The following PDE4D variants were observed in gnomAD, a reference collection of about 807,000 sequenced individuals.
PDE4D encodes the protein 3',5'-cyclic-AMP phosphodiesterase 4D.
Under a neutral mutation model 87.4 loss-of-function variants are expected in PDE4D, and 24 were observed. The ratio of observed to expected loss-of-function variants is 0.27; its 90% CI spans 0.20 to 0.39. PDE4D has a LOEUF of 0.39. Ranked by LOEUF, PDE4D falls within the 10% of genes least tolerant of loss-of-function variation. PDE4D has a pLI of 1.00. For synonymous variants in PDE4D, 384 were observed against 383.2 expected, an observed-to-expected ratio of 1.00 and a Z score of -0.02; for missense variants, 714 against 1,041.0, an observed-to-expected ratio of 0.69 and a Z score of 4.32.
intron 2 of PDE4D, among the ~76,000 whole-genome samples, chr5:60,045,164 T>C (rs1769053343): frequency 1.3e-5 from 2 of 152,020 alleles, no homozygotes; most frequent in South Asian, 2.1e-4. Context: ...AAATGTCATC[T>C]TTTGAGAAGT....
At chr5:60,515,601 CTTT>C (rs954970783) in intron 1 of PDE4D, among the ~76,000 whole-genome samples, 1 of 106,822 alleles carries the variant, frequency 9.4e-6, no homozygotes. Context: ...TTTTCTTTTT[CTTT>C]TTTTTTTTTT....
At chr5:60,268,111 TTCTA>T (rs1417027526) in intron 1 of PDE4D, among the ~76,000 whole-genome samples, 1 of 152,032 alleles carries the variant, frequency 6.6e-6, no homozygotes, top group Non-Finnish European at 1.5e-5. Flanking sequence ...CAATGAAAAA[TTCTA>T]GAGCAGACAG....
At chr5:60,337,374 T>TACACACACACACACAC (rs1308199009) in intron 1 of PDE4D, among the ~76,000 whole-genome samples, 1 of 118,148 alleles carries the variant, frequency 8.5e-6, no homozygotes, top group African/African-American at 3.4e-5. Context: ...TATATATATA[T>TACACACACACACACAC]ATATATATAT....
At chr5:59,208,250 T>C (rs1166399586) in intron 2 of PDE4D, among the ~76,000 whole-genome samples, 1 of 152,314 alleles carries the variant, frequency 6.6e-6, no homozygotes, top group East Asian at 1.9e-4. Context: ...AATGGTATGC[T>C]AAATATTAGC....
chr5:59,338,515 A>G (rs1582040994), intron 1 of PDE4D, among the ~76,000 whole-genome samples: 2 of 152,332 alleles, frequency 1.3e-5, no homozygotes, highest in South Asian at 4.2e-4. Context: ...CAGGTTGTCT[A>G]AAGAGTGTTC....
intron 1 of PDE4D, among the ~76,000 whole-genome samples, chr5:60,482,216 G>A (rs1013831562): frequency 1.3e-5 from 2 of 152,080 alleles, no homozygotes; most frequent in African/African-American, 4.8e-5. Flanking sequence ...GCCATGTGAA[G>A]ATAATAGGAG....
intron 1 of PDE4D, among the ~76,000 whole-genome samples, chr5:59,498,471 C>G (rs932798464): frequency 1.3e-5 from 2 of 151,624 alleles, no homozygotes; most frequent in African/African-American, 4.8e-5. Context: ...TTTTAACACT[C>G]CATTTAAAAG....
intron 1 of PDE4D, among the ~76,000 whole-genome samples, chr5:60,279,943 G>A (rs1271204225): frequency 3.3e-5 from 5 of 152,156 alleles, no homozygotes; most frequent in Non-Finnish European, 7.4e-5. Flanking sequence ...GCCTCCCAAA[G>A]TGCTGGGATT....
At chr5:59,459,035 T>G (rs1800343259) in intron 1 of PDE4D, among the ~76,000 whole-genome samples, 1 of 152,210 alleles carries the variant, frequency 6.6e-6, no homozygotes, top group African/African-American at 2.4e-5. Flanking sequence ...ATAATGAATA[T>G]TCGATGATTA....
intron 1 of PDE4D, among the ~76,000 whole-genome samples, chr5:59,870,621 T>C (rs1413126236): frequency 7.9e-5 from 12 of 152,206 alleles, no homozygotes; most frequent in African/African-American, 1.9e-4. Flanking sequence ...CTTATTGATA[T>C]AGTTTTCATT....
intron 1 of PDE4D, among the ~76,000 whole-genome samples, chr5:60,417,422 C>G (rs1015959633): frequency 6.6e-6 from 1 of 152,200 alleles, no homozygotes; most frequent in African/African-American, 2.4e-5. Context: ...TCACACAGTT[C>G]TAAGCCTAGA....
At chr5:59,973,150 T>C (rs568902665) in intron 3 of PDE4D, among the ~76,000 whole-genome samples, 2 of 152,234 alleles carry the variant, frequency 1.3e-5, no homozygotes, top group African/African-American at 2.4e-5. Context: ...GTCTGTCATA[T>C]ACTAAGACAC....
At chr5:60,438,000 T>C (rs1010982985) in intron 1 of PDE4D, among the ~76,000 whole-genome samples, 4 of 152,138 alleles carry the variant, frequency 2.6e-5, no homozygotes, top group Non-Finnish European at 5.9e-5. Flanking sequence ...AGCAGGCAAA[T>C]GCAGGACAGT....
intron 1 of PDE4D, among the ~76,000 whole-genome samples, chr5:59,427,108 C>T (rs1273843232): frequency 2.7e-5 from 4 of 148,348 alleles, no homozygotes; most frequent in African/African-American, 1.0e-4. Context: ...TCAGGTTCTC[C>T]TTTGCTGACC....
chr5:59,975,187 T>C (rs1463701538), intron 3 of PDE4D, among the ~76,000 whole-genome samples: 2 of 152,170 alleles, frequency 1.3e-5, no homozygotes, highest in African/African-American at 4.8e-5. Context: ...CTGCCCACCT[T>C]TTTGTCATCT....
At chr5:59,673,919 C>T (rs1747640386) in intron 1 of PDE4D, among the ~76,000 whole-genome samples, 1 of 152,104 alleles carries the variant, frequency 6.6e-6, no homozygotes, top group Admixed American at 6.5e-5. Context: ...TAAATATCTT[C>T]ACATGGAACA....
chr5:58,996,893 GT>G (rs1204851890), intron 6 of PDE4D, among the ~76,000 whole-genome samples: 1 of 152,124 alleles, frequency 6.6e-6, no homozygotes, highest in African/African-American at 2.4e-5. Flanking sequence ...CATCCTGCAT[GT>G]TCATCTTTCT....
At chr5:59,867,126 T>A (rs1293692654) in intron 1 of PDE4D, among the ~76,000 whole-genome samples, 1 of 152,076 alleles carries the variant, frequency 6.6e-6, no homozygotes, top group Non-Finnish European at 1.5e-5. Flanking sequence ...TTTCAGAGGA[T>A]AAGAAAGGAA....
At position 59,716,220 on chromosome 5, in the gene PDE4D, C is replaced by A. The variant is rs867069798; in HGVS notation, c.455+176948G>T. 1.4e-4 allele frequency among the ~76,000 whole-genome samples: 22 copies of A among 152,352 alleles called. No individual in the cohort carries two copies. The Middle Eastern group carries it at 0.01, about 71-fold the overall frequency. On this transcript the variant is annotated intron_variant, in intron 1 of 14. Transcript: ENST00000340635. ...CCACGTGAGGCACATTAGGTGATCA[C>A]CCATGTAAGCTTGTGCTTGGCTTGG...
Sources: allele counts gnomAD v4.1 joint callset (sites outside exome capture counted in the v4.1 genomes callset), GRCh38; gene constraint gnomAD v4.1.1; transcripts MANE v1.5; gene names NCBI Gene and HGNC (gene_info 2026-07-23, HGNC 2026-07-21).